Variants in TJP1 observed in about 807,000 individuals in gnomAD.
TJP1 encodes the protein tight junction protein 1, also known as tight junction protein ZO-1.
TJP1 carries 43 observed loss-of-function variants against 194.2 expected under a neutral mutation model. The ratio of observed to expected loss-of-function variants is 0.22; its 90% CI spans 0.17 to 0.29. TJP1 has a LOEUF of 0.29. Ranked by LOEUF, TJP1 falls within the 10% of genes least tolerant of loss-of-function variation. TJP1 has a pLI of 1.00. For missense variants in TJP1, 1,971 were observed against 2,185.7 expected, an observed-to-expected ratio of 0.90 and a Z score of 1.96; for synonymous variants, 801 against 779.0, an observed-to-expected ratio of 1.03 and a Z score of -0.47.
chr15:29,803,422 A>G (rs1232819230), intron 1 of TJP1, among the ~76,000 whole-genome samples: 2 of 152,172 alleles, frequency 1.3e-5, no homozygotes, highest in East Asian at 3.9e-4. Flanking sequence ...ATTTTGCCCA[A>G]CTATATACTA....
At chr15:29,968,512 G>A (rs1390460006) in intron 1 of TJP1, among the ~76,000 whole-genome samples, 1 of 149,852 alleles carries the variant, frequency 6.7e-6, no homozygotes, top group African/African-American at 2.4e-5. Context: ...TGGCTGCTGC[G>A]CCCCGCGCGG....
rs1314678087 is a variant in TJP1 at position 29,740,583 on chromosome 15, G to A, written c.1256+748C>T. Among the ~76,000 whole-genome samples, 5 of 151,932 alleles carry A rather than the reference G, an allele frequency of 3.3e-5. No individual in the cohort carries two copies. In the East Asian group the frequency reaches 9.7e-4, roughly 30 times the overall value. On this transcript the variant is annotated intron_variant, in intron 10 of 27. Coordinates refer to ENST00000614355, the MANE Select transcript of TJP1 (RefSeq NM_001330239.4). ...AGAGGCAGAGGTTGCAGTTAGCCGAGATTGCACCACGGCACTCCAGCCTGG... is the reference window on the plus strand; with the variant it reads ...AGAGGCAGAGGTTGCAGTTAGCCGAAATTGCACCACGGCACTCCAGCCTGG...
chr15:29,702,777 A>G (rs1296928734), intron 27 of TJP1, among the ~76,000 whole-genome samples: 1 of 152,116 alleles, frequency 6.6e-6, no homozygotes, highest in Non-Finnish European at 1.5e-5. Flanking sequence ...TTTACATGTA[A>G]TTTTTTCCTC....
At chr15:29,759,180 T>A (rs755783671) in intron 8 of TJP1, 3 of 152,246 alleles carry the variant, frequency 2.0e-5, no homozygotes, top group Non-Finnish European at 2.9e-5. Flanking sequence ...CTCCCTGTTA[T>A]CCAGTTCTCT....
chr15:29,780,985 TAAC>T (rs1323557993), intron 2 of TJP1, among the ~76,000 whole-genome samples: 2 of 149,192 alleles, frequency 1.3e-5, no homozygotes, highest in African/African-American at 4.9e-5. Context: ...AGACAAAAAA[TAAC>T]AAAAAGAGCT....
intron 8 of TJP1, among the ~76,000 whole-genome samples, chr15:29,750,720 T>A (rs999724861): frequency 3.3e-5 from 5 of 152,196 alleles, no homozygotes; most frequent in Non-Finnish European, 7.3e-5. Flanking sequence ...TCTAGTAGAA[T>A]ATCCTTTTAT....
At chr15:29,748,557 C>A (rs2044969930) in intron 8 of TJP1, among the ~76,000 whole-genome samples, 1 of 144,218 alleles carries the variant, frequency 6.9e-6, no homozygotes, top group Non-Finnish European at 1.5e-5. Flanking sequence ...CCCAAACCTT[C>A]CTAATTCTTT....
intron 2 of TJP1, among the ~76,000 whole-genome samples, chr15:29,939,025 T>C (rs987774207): frequency 6.6e-6 from 1 of 152,216 alleles, no homozygotes; most frequent in African/African-American, 2.4e-5. Flanking sequence ...TACCATCTAC[T>C]AAGCAGAAAG....
At chr15:29,947,164 C>T (rs887715787) in intron 2 of TJP1, among the ~76,000 whole-genome samples, 4 of 152,146 alleles carry the variant, frequency 2.6e-5, no homozygotes, top group Non-Finnish European at 4.4e-5. Flanking sequence ...CATGAACACA[C>T]CTGAAATTAT....
chr15:29,720,586 G>A lies in TJP1; in HGVS notation c.2535C>T (p.Asp845=). The A allele has an allele frequency of 6.2e-7, 1 of 1,614,070 alleles. No individual in the cohort carries two copies. The highest frequency in any genetic ancestry group is 8.5e-7 in the Non-Finnish European group (1 of 1,180,012). ...TDSRHTSDYE[D]TDTEGGAYTD... Reference sequence around the variant, plus strand: ...TGTAGGCCCCGCCTTCTGTGTCTGTGTCTTCATAGTCAGAAGTGTGTCTAC... The same window carrying A: ...TGTAGGCCCCGCCTTCTGTGTCTGTATCTTCATAGTCAGAAGTGTGTCTAC... The change falls in exon 19 of 28, where the codon GAC becomes GAT. Residue 845 remains aspartate (D), a synonymous_variant. Coordinates refer to ENST00000614355, the MANE Select transcript of TJP1 (RefSeq NM_001330239.4).
intron 17 of TJP1, 78 bp downstream of exon 17, chr15:29,726,703 G>T: frequency 1.5e-6 from 2 of 1,374,478 alleles, no homozygotes; most frequent in South Asian, 1.3e-5. Flanking sequence ...TTTAGTATTT[G>T]AACACCGTAA....
chr15:29,873,806 T>C (rs1342458543), intron 2 of TJP1, among the ~76,000 whole-genome samples: 1 of 152,132 alleles, frequency 6.6e-6, no homozygotes, highest in Admixed American at 6.5e-5. Flanking sequence ...CCCCTTTTCC[T>C]TGCCATTTCA....
At chr15:29,711,316 A>G (rs3784356) in intron 23 of TJP1, among the ~76,000 whole-genome samples, 6,764 of 152,310 alleles carry the variant, frequency 0.044, 169 homozygotes, top group South Asian at 0.078. Context: ...AGATTTAAGA[A>G]AGTCTTGCAA....
intron 1 of TJP1, among the ~76,000 whole-genome samples, chr15:29,801,983 C>A (rs1369649062): frequency 6.6e-6 from 1 of 151,702 alleles, no homozygotes; most frequent in African/African-American, 2.4e-5. Flanking sequence ...ACGGGTTGGA[C>A]AAGGTTGATC....
intron 8 of TJP1, among the ~76,000 whole-genome samples, chr15:29,753,069 C>T (rs1035975674): frequency 1.5e-4 from 23 of 152,142 alleles, no homozygotes; most frequent in African/African-American, 5.6e-4. Context: ...ATTACACTAC[C>T]CTGATTCTCT....
In TJP1 at chr15:29,716,742, T is replaced by C. The variant is rs367831192; in HGVS notation, c.4071A>G (p.Lys1357=). ...TTCTTCGGTCAAAGTATGACAGCTG[T>C]TTTCGATAATATTCTTCATCTTCTT... ...DPEEDEEYYR[K]QLSYFDRRSF... is the part of the protein sequence containing the mutation. The change falls in exon 23 of 28, where the codon AAA becomes AAG. Residue 1357 remains lysine, a synonymous_variant. Coordinates refer to ENST00000614355, the MANE Select transcript of TJP1 (RefSeq NM_001330239.4). 6.4e-5 allele frequency: 104 copies of C among 1,614,012 alleles called. 1 individual carries two copies. The highest frequency in any genetic ancestry group is 7.9e-5 in the Non-Finnish European group (93 of 1,180,030).
At chr15:29,965,723 C>T (rs1440223940) in intron 1 of TJP1, among the ~76,000 whole-genome samples, 1 of 152,068 alleles carries the variant, frequency 6.6e-6, no homozygotes, top group Non-Finnish European at 1.5e-5. Context: ...AAATCCAAAG[C>T]GTATAAGAGA....
chr15:29,795,554 C>T (rs890179444), intron 2 of TJP1, among the ~76,000 whole-genome samples: 2 of 151,694 alleles, frequency 1.3e-5, no homozygotes, highest in South Asian at 2.1e-4. Flanking sequence ...ACAAAGAAAA[C>T]TCTAGCACCA....
intron 2 of TJP1, among the ~76,000 whole-genome samples, chr15:29,897,828 T>G (rs1326992653): frequency 1.3e-5 from 2 of 152,214 alleles, no homozygotes; most frequent in Non-Finnish European, 2.9e-5. Flanking sequence ...TTTTGGCCAA[T>G]TTCTACCATT....
Sources: allele counts gnomAD v4.1 joint callset (sites outside exome capture counted in the v4.1 genomes callset), GRCh38; gene constraint gnomAD v4.1.1; transcripts MANE v1.5; gene names NCBI Gene and HGNC (gene_info 2026-07-23, HGNC 2026-07-21).